THSD7A: variants seen among roughly 807,000 people sequenced by gnomAD.
THSD7A encodes thrombospondin type 1 domain containing 7A, also known as thrombospondin type-1 domain-containing protein 7A.
Under a neutral mutation model 231.3 loss-of-function variants are expected in THSD7A, and 96 were observed. The ratio of observed to expected loss-of-function variants is 0.41; its 90% CI spans 0.35 to 0.49. THSD7A has a LOEUF of 0.49. THSD7A is among the 20% of genes least tolerant of loss of function. THSD7A has a pLI of 0.05. For synonymous variants in THSD7A, 940 were observed against 743.3 expected, an observed-to-expected ratio of 1.26 and a Z score of -4.30; for missense variants, 2,290 against 2,070.2, an observed-to-expected ratio of 1.11 and a Z score of -2.06.
At chr7:11,500,540 A>C (rs1787288062) in intron 6 of THSD7A, among the ~76,000 whole-genome samples, 1 of 152,214 alleles carries the variant, frequency 6.6e-6, no homozygotes, top group South Asian at 2.1e-4. Flanking sequence ...TAAAAAAGCA[A>C]GACCCAAAGG....
In THSD7A at chr7:11,406,393, C is replaced by T. The variant is rs1464768876; in HGVS notation, c.4144G>A (p.Val1382Met). ...TCAGCACAGAATTCCTCATCCACCA[C>T]TTTGCTGAAATCATCAGCTGACCCA... is the stretch of plus-strand genomic sequence containing the variant. ...SDGSADDFSK[V>M]VDEEFCADIE... Residue 1382 changes from valine to methionine, a missense_variant, in exon 22 of 28, where the codon GTG becomes ATG. By Grantham distance (21) the Val-to-Met change is conservative. Transcript: ENST00000423059. The surrounding 1 kb of genome is among the most constrained non-coding windows in gnomAD (Gnocchi z 4.7). The T allele has an allele frequency of 3.7e-6, 6 of 1,613,966 alleles. 1 individual carries two copies. The Middle Eastern group carries it at 6.6e-4, about 177-fold the overall frequency.
intron 13 of THSD7A, among the ~76,000 whole-genome samples, chr7:11,432,151 G>T (rs1379373644): frequency 1.3e-5 from 2 of 151,956 alleles, no homozygotes; most frequent in Non-Finnish European, 2.9e-5. Context: ...CCACCCTCAA[G>T]TTATTGACAT....
chr7:11,831,968 G>T lies in THSD7A; in HGVS notation c.-22C>A. 8.2e-7 allele frequency: 1 copy of T among 1,223,982 alleles called. No individual in the cohort carries two copies. Among genetic ancestry groups the T allele is most frequent in the Non-Finnish European group, 1.0e-6 (1 of 983,520 alleles). The allele number at this position is 1,223,982 out of a possible 1,614,324, so 75.8% of individuals were successfully genotyped here. A position where few individuals can be genotyped will look rare whatever the true frequency, so the allele number is the denominator to read the frequency against. ...CCATGCCGCCTGCAGCCACTCCAGG[G>T]TCCAGAGCCGTAGCACGCTCGGCAG... On this transcript the variant is annotated 5_prime_UTR_variant, in exon 1 of 28. Coordinates refer to ENST00000423059, the MANE Select transcript of THSD7A (RefSeq NM_015204.3). This position sits in a 1 kb window ranked among gnomAD's most constrained non-coding sequence, Gnocchi z 5.0.
At chr7:11,727,522 T>A (rs967992367) in intron 1 of THSD7A, among the ~76,000 whole-genome samples, 4 of 152,028 alleles carry the variant, frequency 2.6e-5, no homozygotes, top group Non-Finnish European at 1.5e-5. Context: ...CATTTACTAC[T>A]CTTTCTCAAA....
chr7:11,394,396 C>A (rs1177170805), intron 23 of THSD7A, among the ~76,000 whole-genome samples: 1 of 151,790 alleles, frequency 6.6e-6, no homozygotes, highest in African/African-American at 2.4e-5. Context: ...CCAGCCACTG[C>A]AAACATGTAG....
intron 6 of THSD7A, among the ~76,000 whole-genome samples, chr7:11,540,707 T>C (rs113835699): frequency 7.2e-4 from 109 of 152,280 alleles, no homozygotes; most frequent in Non-Finnish European, 1.3e-3. Context: ...CCCAAAACAG[T>C]AGCAGTACTC....
intron 1 of THSD7A, among the ~76,000 whole-genome samples, chr7:11,787,219 T>C (rs552305784): frequency 4.6e-5 from 7 of 152,160 alleles, no homozygotes; most frequent in African/African-American, 1.7e-4. Flanking sequence ...CAAAAAAATA[T>C]ATAATCTAGA....
In THSD7A at chr7:11,572,803, A is replaced by G. The variant is rs140062170; in HGVS notation, c.1453+17657T>C. 1.5e-3 allele frequency among the ~76,000 whole-genome samples: 224 copies of G among 151,976 alleles called. 2 individuals carry two copies. Among genetic ancestry groups the G allele is most frequent in the African/African-American group, 5.0e-3 (208 of 41,440 alleles). On this transcript the variant is annotated intron_variant, in intron 4 of 27. Transcript: ENST00000423059. The stretch of plus-strand genomic sequence containing the variant: ...TTAAAGTCCTCGTCTGCTGATTCTT[A>G]TATCTAGGCCATCTCATGATACGTT...
Position 11,448,108 on chromosome 7 carries a change from TAA to T in THSD7A, c.2606-686_2606-685del, listed in dbSNP as rs1785033306. Among the ~76,000 whole-genome samples, 3 of 152,152 alleles carry T rather than the reference TAA, an allele frequency of 2.0e-5. No individual in the cohort carries two copies. The South Asian group carries it at 6.2e-4, about 31-fold the overall frequency. ...CATGCACAAACATCAACCTGGCACTTAAAAATTTTCAATAATCTTCATTTATT... is the reference window on the plus strand; with the variant it reads ...CATGCACAAACATCAACCTGGCACTTAAATTTTCAATAATCTTCATTTATT... On this transcript the variant is annotated intron_variant, in intron 11 of 27. Coordinates refer to ENST00000423059, the MANE Select transcript of THSD7A (RefSeq NM_015204.3).
intron 6 of THSD7A, among the ~76,000 whole-genome samples, chr7:11,505,513 T>C (rs1422139469): frequency 1.3e-5 from 2 of 151,896 alleles, no homozygotes; most frequent in African/African-American, 2.4e-5. Flanking sequence ...GTAATTCTCA[T>C]ACTTGAATTG....
chr7:11,705,207 G>A (rs1218747023), intron 1 of THSD7A, among the ~76,000 whole-genome samples: 1 of 150,926 alleles, frequency 6.6e-6, no homozygotes, highest in Admixed American at 6.6e-5. Context: ...ACCTCAAGAT[G>A]TAATGCACTA....
At chr7:11,805,058 T>G (rs368600904) in intron 1 of THSD7A, among the ~76,000 whole-genome samples, 1 of 152,254 alleles carries the variant, frequency 6.6e-6, no homozygotes, top group East Asian at 1.9e-4. Flanking sequence ...GGGCCGATAT[T>G]GTAGTCATTA....
intron 1 of THSD7A, among the ~76,000 whole-genome samples, chr7:11,704,525 G>A (rs1018603132): frequency 1.3e-5 from 2 of 150,780 alleles, no homozygotes; most frequent in African/African-American, 2.4e-5. Context: ...GAAAGAGCCA[G>A]AGACTCTTTG....
intron 1 of THSD7A, among the ~76,000 whole-genome samples, chr7:11,745,417 T>A (rs1782261000): frequency 6.6e-6 from 1 of 152,150 alleles, no homozygotes; most frequent in Non-Finnish European, 1.5e-5. Flanking sequence ...TGATGATACT[T>A]TCTTTTGCTG....
chr7:11,661,259 C>T (rs751501933), intron 1 of THSD7A, among the ~76,000 whole-genome samples: 1 of 151,238 alleles, frequency 6.6e-6, no homozygotes, highest in African/African-American at 2.4e-5. Flanking sequence ...TAGCTAAACA[C>T]CAAACACAAA....
At chr7:11,478,458 A>G (rs1483309875) in intron 7 of THSD7A, among the ~76,000 whole-genome samples, 2 of 151,960 alleles carry the variant, frequency 1.3e-5, no homozygotes, top group Admixed American at 1.3e-4. Context: ...GGCTCTGACA[A>G]CCCACTCTAG....
intron 1 of THSD7A, among the ~76,000 whole-genome samples, chr7:11,743,414 T>A (rs1323565134): frequency 2.0e-5 from 3 of 151,912 alleles, no homozygotes. Flanking sequence ...AGGTATCCCA[T>A]CAATTTTTGG....
chr7:11,508,743 T>C (rs1162547515), intron 6 of THSD7A, among the ~76,000 whole-genome samples: 1 of 152,250 alleles, frequency 6.6e-6, no homozygotes, highest in Admixed American at 6.5e-5. Context: ...ATACTCATAG[T>C]GGAATAACAT....
intron 13 of THSD7A, among the ~76,000 whole-genome samples, chr7:11,429,988 T>C (rs1784430623): frequency 6.6e-6 from 1 of 152,210 alleles, no homozygotes; most frequent in African/African-American, 2.4e-5. Flanking sequence ...TTAAACACTA[T>C]TATTCTCAAG....
Sources: gnomAD v4.1 joint callset for allele counts (sites outside exome capture counted in the v4.1 genomes callset) on GRCh38, gnomAD v4.1.1 for gene constraint, Gnocchi (gnomAD v3.1) non-coding constraint, MANE v1.5 for transcripts, NCBI Gene and HGNC (gene_info 2026-07-23, HGNC 2026-07-21) for gene names.